The following NCKAP5 variants were observed in gnomAD, a reference collection of about 807,000 sequenced individuals.
The protein encoded by NCKAP5 is nck-associated protein 5.
NCKAP5 carries 92 observed loss-of-function variants against 167.0 expected under a neutral mutation model. That is an observed-to-expected ratio of 0.55 (90% CI 0.47 to 0.66). NCKAP5 has a LOEUF of 0.66. NCKAP5 is among the 30% of genes least tolerant of loss of function. NCKAP5 has a pLI of 0.00. For missense variants in NCKAP5, 2,378 were observed against 2,315.0 expected (o/e 1.03, Z -0.56); for synonymous variants, 891 against 877.4 (o/e 1.02, Z -0.27).
At chr2:133,526,497 T>C in intron 2 of NCKAP5, among the ~76,000 whole-genome samples, 1 of 152,182 alleles carries the variant, frequency 6.6e-6, no homozygotes, top group East Asian at 1.9e-4. Context: ...GAGCTAACCC[T>C]GGAGGACTTG....
chr2:133,240,256 A>C (rs1443162031), intron 4 of NCKAP5, among the ~76,000 whole-genome samples: 17 of 152,242 alleles, frequency 1.1e-4, no homozygotes. Flanking sequence ...TAAAACCATT[A>C]AACAGACACC....
intron 1 of NCKAP5, among the ~76,000 whole-genome samples, chr2:133,561,914 T>C (rs1688185743): frequency 6.6e-6 from 1 of 152,176 alleles, no homozygotes; most frequent in South Asian, 2.1e-4. Flanking sequence ...GGAAAAAATG[T>C]TAACATAAAG....
At chr2:133,215,149 T>C (rs879445927) in intron 4 of NCKAP5, among the ~76,000 whole-genome samples, 8 of 151,996 alleles carry the variant, frequency 5.3e-5, no homozygotes, top group African/African-American at 1.7e-4. Context: ...ACAGAGTAGA[T>C]AGGAAGGAGC....
intron 3 of NCKAP5, among the ~76,000 whole-genome samples, chr2:133,500,299 A>G (rs1416316602): frequency 6.6e-6 from 1 of 152,206 alleles, no homozygotes; most frequent in Non-Finnish European, 1.5e-5. Flanking sequence ...AAATCTGCCA[A>G]ATCAATGAGG....
At chr2:133,548,631 C>A (rs556230334) in intron 2 of NCKAP5, among the ~76,000 whole-genome samples, 172 of 151,968 alleles carry the variant, frequency 1.1e-3, no homozygotes, top group African/African-American at 4.0e-3. Context: ...CCAAACTAAG[C>A]TTCATAAGTG....
At chr2:132,774,478 T>C (rs1320868496) in intron 15 of NCKAP5, among the ~76,000 whole-genome samples, 1 of 137,610 alleles carries the variant, frequency 7.3e-6, no homozygotes, top group African/African-American at 2.8e-5. Flanking sequence ...TTTATCTAGA[T>C]ATTTTTTTTT....
chr2:133,521,567 A>C (rs1022563854), intron 2 of NCKAP5, among the ~76,000 whole-genome samples: 1 of 152,230 alleles, frequency 6.6e-6, no homozygotes, highest in Non-Finnish European at 1.5e-5. Flanking sequence ...AAGTGCTAGC[A>C]GAGTTAGTTT....
intron 4 of NCKAP5, among the ~76,000 whole-genome samples, chr2:133,224,598 G>A (rs1379635256): frequency 6.6e-6 from 1 of 152,036 alleles, no homozygotes; most frequent in Non-Finnish European, 1.5e-5. Flanking sequence ...TTTCTACTTG[G>A]AACTGTGAGC....
At chr2:132,760,770 T>C (rs1017655130) in intron 16 of NCKAP5, among the ~76,000 whole-genome samples, 1 of 152,214 alleles carries the variant, frequency 6.6e-6, no homozygotes, top group African/African-American at 2.4e-5. Context: ...TTTTTAACTT[T>C]TCATTATGGA....
At chr2:133,413,372 A>G (rs1688896873) in intron 3 of NCKAP5, among the ~76,000 whole-genome samples, 1 of 152,258 alleles carries the variant, frequency 6.6e-6, no homozygotes, top group South Asian at 2.1e-4. Context: ...AAACAGAAGT[A>G]GTGAGCTAGG....
chr2:133,044,036 T>C (rs555891637), intron 6 of NCKAP5, among the ~76,000 whole-genome samples: 1 of 152,236 alleles, frequency 6.6e-6, no homozygotes, highest in Non-Finnish European at 1.5e-5. Flanking sequence ...CACATACATC[T>C]GAAAACTTGA....
intron 5 of NCKAP5, among the ~76,000 whole-genome samples, chr2:133,179,999 C>A (rs1026053517): frequency 8.6e-5 from 13 of 151,930 alleles, no homozygotes; most frequent in Non-Finnish European, 1.3e-4. Flanking sequence ...AAACCCCAAA[C>A]AGGTAAACCC....
chr2:132,982,770 T>C (rs2077179328), intron 7 of NCKAP5, among the ~76,000 whole-genome samples: 1 of 152,192 alleles, frequency 6.6e-6, no homozygotes, highest in Non-Finnish European at 1.5e-5. Context: ...GGTATTTTGT[T>C]TTCTGCTCCT....
chr2:133,412,204 C>T (rs1041653593), intron 3 of NCKAP5, among the ~76,000 whole-genome samples: 2 of 152,094 alleles, frequency 1.3e-5, no homozygotes, highest in African/African-American at 2.4e-5. Context: ...GGTTTAGTGT[C>T]CTTATAGAAA....
intron 3 of NCKAP5, among the ~76,000 whole-genome samples, chr2:133,359,627 C>T (rs192443243): frequency 6.6e-6 from 1 of 152,230 alleles, no homozygotes; most frequent in African/African-American, 2.4e-5. Context: ...TAAAGTGAAG[C>T]ACTTTAGTGC....
intron 3 of NCKAP5, among the ~76,000 whole-genome samples, chr2:133,340,598 C>G (rs1683510783): frequency 6.6e-6 from 1 of 152,134 alleles, no homozygotes. Context: ...GTAAGATACA[C>G]AATCTGTCTG....
intron 11 of NCKAP5, among the ~76,000 whole-genome samples, chr2:132,799,958 C>T (rs146817958): frequency 6.6e-6 from 1 of 152,126 alleles, no homozygotes; most frequent in Admixed American, 6.5e-5. Context: ...TATCACACAA[C>T]TTCCCTTAAA....
chr2:132,949,396 T>A (rs191925166), intron 8 of NCKAP5, among the ~76,000 whole-genome samples: 15 of 152,214 alleles, frequency 9.9e-5, no homozygotes, highest in African/African-American at 3.6e-4. Context: ...TCTCTCACTC[T>A]CACATGAAGG....
chr2:133,398,761 G>C (rs1687913138), intron 3 of NCKAP5, among the ~76,000 whole-genome samples: 1 of 152,168 alleles, frequency 6.6e-6, no homozygotes, highest in Admixed American at 6.5e-5. Context: ...CAAGCAGATG[G>C]AGACTGTGTG....
Sources: gnomAD v4.1 joint callset for allele counts (sites outside exome capture counted in the v4.1 genomes callset) on GRCh38, gnomAD v4.1.1 for gene constraint, MANE v1.5 for transcripts, NCBI Gene and HGNC (gene_info 2026-07-23, HGNC 2026-07-21) for gene names.